FGGY: variants seen among roughly 807,000 people sequenced by gnomAD.
FGGY encodes the protein FGGY carbohydrate kinase domain-containing protein.
In FGGY, 72 loss-of-function variants were observed where a neutral mutation model predicts 71.3. The ratio of observed to expected loss-of-function variants is 1.01; its 90% CI spans 0.84 to 1.23. FGGY has a LOEUF of 1.23. Among genes scored for constraint, FGGY ranks in the 50% most tolerant of loss-of-function variants. The probability of loss-of-function intolerance (pLI) is 0.00; values close to 1 mark genes in which losing one functional copy is unlikely to be tolerated. For synonymous variants in FGGY, 251 were observed against 250.3 expected, an observed-to-expected ratio of 1.00 and a Z score of -0.02; for missense variants, 668 against 682.3, an observed-to-expected ratio of 0.98 and a Z score of 0.23.
chr1:59,462,650 T>C (rs2092329021), intron 6 of FGGY, among the ~76,000 whole-genome samples: 1 of 152,130 alleles, frequency 6.6e-6, no homozygotes, highest in African/African-American at 2.4e-5. Context: ...GGGCAAAGGA[T>C]ATGAACAGAC....
intron 8 of FGGY, among the ~76,000 whole-genome samples, chr1:59,601,218 C>A (rs1225428447): frequency 6.6e-6 from 1 of 152,162 alleles, no homozygotes; most frequent in Non-Finnish European, 1.5e-5. Flanking sequence ...CTGGAGCCTG[C>A]CTTTTGCCCC....
intron 3 of FGGY, among the ~76,000 whole-genome samples, chr1:59,341,413 T>G (rs1349426787): frequency 6.6e-6 from 1 of 152,196 alleles, no homozygotes; most frequent in African/African-American, 2.4e-5. Flanking sequence ...TCACTATAAG[T>G]GATCACTATA....
At chr1:59,465,763 A>G (rs2092583481) in intron 6 of FGGY, among the ~76,000 whole-genome samples, 1 of 152,216 alleles carries the variant, frequency 6.6e-6, no homozygotes, top group Non-Finnish European at 1.5e-5. Flanking sequence ...CAATTGCTAC[A>G]AAGAGAATAA....
At chr1:59,467,973 G>A (rs753383619) in intron 6 of FGGY, among the ~76,000 whole-genome samples, 23 of 151,294 alleles carry the variant, frequency 1.5e-4, no homozygotes, top group Admixed American at 1.5e-3. Context: ...GCATAGTCTC[G>A]GCTCACTGCA....
chr1:59,405,660 C>G (rs974461684), intron 5 of FGGY, among the ~76,000 whole-genome samples: 5 of 152,072 alleles, frequency 3.3e-5, no homozygotes, highest in Non-Finnish European at 7.4e-5. Context: ...CTAACCTGTC[C>G]CATGGAATGT....
At chr1:59,732,739 C>T (rs780986808) in intron 14 of FGGY, among the ~76,000 whole-genome samples, 5 of 152,100 alleles carry the variant, frequency 3.3e-5, no homozygotes, top group Admixed American at 6.5e-5. Context: ...ACCACTGTCG[C>T]CCCCACCTAG....
intron 5 of FGGY, among the ~76,000 whole-genome samples, chr1:59,407,529 A>G (rs1439262165): frequency 6.6e-6 from 1 of 152,076 alleles, no homozygotes; most frequent in African/African-American, 2.4e-5. Context: ...GATTCCCTTG[A>G]ACCTGACTAG....
At chr1:59,560,302 A>C (rs921273758) in intron 8 of FGGY, among the ~76,000 whole-genome samples, 1 of 152,210 alleles carries the variant, frequency 6.6e-6, no homozygotes, top group Non-Finnish European at 1.5e-5. Flanking sequence ...ATCAAAAAAC[A>C]GGGAAAGTCA....
chr1:59,438,875 A>G (rs988180174), intron 5 of FGGY, among the ~76,000 whole-genome samples: 1 of 152,230 alleles, frequency 6.6e-6, no homozygotes, highest in Admixed American at 6.5e-5. Context: ...TTATTTCCTC[A>G]GTACCCCTAG....
At chr1:59,729,664 A>G (rs2100876854) in intron 14 of FGGY, among the ~76,000 whole-genome samples, 1 of 152,258 alleles carries the variant, frequency 6.6e-6, no homozygotes, top group Non-Finnish European at 1.5e-5. Context: ...TTGAGCTGTA[A>G]TTCACTAATA....
chr1:59,648,579 C>T lies in FGGY; in HGVS notation c.1221+10204C>T, dbSNP rs1412912401. 4.7e-5 allele frequency among the ~76,000 whole-genome samples: 7 copies of T among 147,388 alleles called. No individual in the cohort carries two copies. The East Asian group carries it at 1.4e-3, about 29-fold the overall frequency. Reference sequence around the variant, plus strand: ...GAAGTGTCTGTTCATGTCCTTTGCCCACTTTTTGATGGGGTTGTTTGTTTT... The same window carrying T: ...GAAGTGTCTGTTCATGTCCTTTGCCTACTTTTTGATGGGGTTGTTTGTTTT... On this transcript the variant is annotated intron_variant, in intron 11 of 15. Transcript: ENST00000303721.
chr1:59,710,541 C>T (rs1226679470), intron 14 of FGGY, among the ~76,000 whole-genome samples: 1 of 152,170 alleles, frequency 6.6e-6, no homozygotes, highest in South Asian at 2.1e-4. Context: ...TTTTTGCAAT[C>T]TATCCATCTG....
At chr1:59,620,390 A>G (rs2096796042) in intron 9 of FGGY, among the ~76,000 whole-genome samples, 1 of 151,370 alleles carries the variant, frequency 6.6e-6, no homozygotes, top group Non-Finnish European at 1.5e-5. Flanking sequence ...TGGGCAAATC[A>G]CCGTGGCACT....
intron 8 of FGGY, among the ~76,000 whole-genome samples, chr1:59,597,102 C>G (rs569319783): frequency 6.6e-6 from 1 of 152,318 alleles, no homozygotes; most frequent in East Asian, 1.9e-4. Flanking sequence ...TTAGTCTTCT[C>G]ATTTTCTATC....
At chr1:59,304,369 G>T (rs975541450) in intron 1 of FGGY, among the ~76,000 whole-genome samples, 2 of 152,002 alleles carry the variant, frequency 1.3e-5, no homozygotes, top group Non-Finnish European at 2.9e-5. Context: ...TTGTCAAAGG[G>T]TAGTTGATTG....
At chr1:59,417,079 C>T (rs1022449841) in intron 5 of FGGY, among the ~76,000 whole-genome samples, 8 of 152,166 alleles carry the variant, frequency 5.3e-5, no homozygotes, top group South Asian at 2.1e-4. Context: ...ACATTTTCTT[C>T]GCCCTCAAAA....
intron 14 of FGGY, among the ~76,000 whole-genome samples, chr1:59,692,132 T>G (rs1439065702): frequency 6.6e-6 from 1 of 152,176 alleles, no homozygotes; most frequent in East Asian, 1.9e-4. Context: ...TTAAGTGCTA[T>G]AAAGGAAAAG....
chr1:59,628,836 G>A (rs116097626), intron 10 of FGGY, among the ~76,000 whole-genome samples: 5,633 of 152,128 alleles, frequency 0.037, 210 homozygotes, highest in African/African-American at 0.098. Context: ...CAGCTTTGTC[G>A]CTTATTCACT....
intron 5 of FGGY, among the ~76,000 whole-genome samples, chr1:59,424,953 C>A (rs1161216065): frequency 6.6e-6 from 1 of 152,168 alleles, no homozygotes; most frequent in Non-Finnish European, 1.5e-5. Flanking sequence ...AGCTCTTGCT[C>A]TATTGGAAAG....
Sources: gnomAD v4.1 joint callset for allele counts (sites outside exome capture counted in the v4.1 genomes callset) on GRCh38, gnomAD v4.1.1 for gene constraint, MANE v1.5 for transcripts, NCBI Gene and HGNC (gene_info 2026-07-23, HGNC 2026-07-21) for gene names.